Variants in GRID2 observed in about 807,000 individuals in gnomAD.
GRID2 encodes glutamate receptor ionotropic, delta-2.
Under a neutral mutation model 114.8 loss-of-function variants are expected in GRID2, and 33 were observed. That is an observed-to-expected ratio of 0.29 (90% CI 0.22 to 0.38). The LOEUF (loss-of-function observed/expected upper bound fraction) is 0.38, where lower values mean the gene tolerates loss of function less well. Among genes scored for constraint, GRID2 ranks in the 10% least tolerant of loss-of-function variants. The pLI is 1.00. For synonymous variants in GRID2, 505 were observed against 449.9 expected (o/e 1.12, Z -1.55); for missense variants, 1,184 against 1,257.7 (o/e 0.94, Z 0.89).
At chr4:93,528,414 A>G (rs1156772644) in intron 13 of GRID2, among the ~76,000 whole-genome samples, 1 of 133,620 alleles carries the variant, frequency 7.5e-6, no homozygotes, top group South Asian at 2.4e-4. Flanking sequence ...CAAGAGTTCC[A>G]TTTTTTTTTT....
intron 2 of GRID2, among the ~76,000 whole-genome samples, chr4:92,699,248 G>A (rs534224977): frequency 4.1e-4 from 63 of 152,260 alleles, no homozygotes; most frequent in Non-Finnish European, 7.5e-4. Flanking sequence ...AGACTGGCCA[G>A]TTGGATTCAT....
chr4:93,012,135 G>A (rs1391741602), intron 2 of GRID2, among the ~76,000 whole-genome samples: 1 of 146,972 alleles, frequency 6.8e-6, no homozygotes, highest in Admixed American at 6.9e-5. Context: ...CTTCAGATAA[G>A]AAGAGATTAA....
intron 1 of GRID2, among the ~76,000 whole-genome samples, chr4:92,503,985 A>T (rs145432581): frequency 6.6e-6 from 1 of 152,216 alleles, no homozygotes; most frequent in Non-Finnish European, 1.5e-5. Flanking sequence ...AAAAGTATGA[A>T]AATAGCAATA....
intron 2 of GRID2, among the ~76,000 whole-genome samples, chr4:92,697,558 C>T (rs190373319): frequency 3.3e-5 from 5 of 152,238 alleles, no homozygotes; most frequent in African/African-American, 1.2e-4. Context: ...GGTCCAAATA[C>T]TAACTGGGAG....
chr4:93,460,160 C>T (rs1296147961), intron 11 of GRID2, among the ~76,000 whole-genome samples: 1 of 152,130 alleles, frequency 6.6e-6, no homozygotes, highest in African/African-American at 2.4e-5. Context: ...ACACATAATT[C>T]CCATTCTTCA....
At chr4:93,208,944 T>C (rs1024252339) in intron 5 of GRID2, among the ~76,000 whole-genome samples, 2 of 151,998 alleles carry the variant, frequency 1.3e-5, no homozygotes, top group African/African-American at 4.8e-5. Flanking sequence ...AACCTTCAAA[T>C]TAAATATTTT....
At chr4:92,898,707 A>C (rs917930188) in intron 2 of GRID2, among the ~76,000 whole-genome samples, 9 of 152,130 alleles carry the variant, frequency 5.9e-5, no homozygotes, top group African/African-American at 2.2e-4. Flanking sequence ...TTTGATTATT[A>C]TTACTAATGT....
chr4:93,384,207 C>T (rs1162406369), intron 8 of GRID2, among the ~76,000 whole-genome samples: 3 of 152,098 alleles, frequency 2.0e-5, no homozygotes, highest in Admixed American at 6.6e-5. Context: ...GAAGAACCCT[C>T]GTGAATTAAT....
chr4:92,375,793 G>A (rs1729328536), intron 1 of GRID2, among the ~76,000 whole-genome samples: 1 of 152,096 alleles, frequency 6.6e-6, no homozygotes, highest in Admixed American at 6.6e-5. Context: ...ATGAGGAAAT[G>A]TGCTCAAAGT....
intron 1 of GRID2, among the ~76,000 whole-genome samples, chr4:92,377,747 G>A (rs1729423680): frequency 6.6e-6 from 1 of 152,112 alleles, no homozygotes; most frequent in Admixed American, 6.6e-5. Context: ...ATGGTGGCAG[G>A]CACAGAGAGA....
intron 2 of GRID2, among the ~76,000 whole-genome samples, chr4:92,852,137 A>G (rs1743856250): frequency 6.6e-6 from 1 of 151,928 alleles, no homozygotes; most frequent in Non-Finnish European, 1.5e-5. Flanking sequence ...TAAGAGATGA[A>G]CACTTGTGTT....
intron 13 of GRID2, among the ~76,000 whole-genome samples, chr4:93,591,703 G>A (rs1233229357): frequency 6.6e-6 from 1 of 152,014 alleles, no homozygotes. Context: ...TTTTTGGTTG[G>A]TAAGGTATTG....
chr4:92,424,731 GA>G (rs1269600751), intron 1 of GRID2, among the ~76,000 whole-genome samples: 129 of 138,604 alleles, frequency 9.3e-4, no homozygotes, highest in Middle Eastern at 3.9e-3. Flanking sequence ...CTTTTGAACT[GA>G]AAAAAAAAAA....
intron 11 of GRID2, among the ~76,000 whole-genome samples, chr4:93,484,621 A>G (rs186809921): frequency 1.3e-4 from 20 of 152,032 alleles, no homozygotes; most frequent in Non-Finnish European, 2.1e-4. Context: ...CATACAGAAA[A>G]TGGAAGTGAA....
rs774292683 is a variant in GRID2, at chr4:93,532,734, A to G, written c.2193+17323A>G. ...ATTTGGCACTTTGGATATAATAATT[A>G]TATGCAAATTTGGACAAATTTCCTT... On this transcript the variant is annotated intron_variant, in intron 13 of 15. Transcript: ENST00000282020. 5.9e-5 allele frequency among the ~76,000 whole-genome samples: 9 copies of G among 152,296 alleles called. No homozygotes were observed. The East Asian group carries it at 1.7e-3, about 29-fold the overall frequency.
At chr4:93,619,118 A>C (rs1741979739) in intron 13 of GRID2, among the ~76,000 whole-genome samples, 2 of 152,190 alleles carry the variant, frequency 1.3e-5, no homozygotes, top group South Asian at 4.1e-4. Flanking sequence ...TATGATAACT[A>C]TGTCAGAGCA....
chr4:93,367,556 A>G (rs973269195), intron 8 of GRID2, among the ~76,000 whole-genome samples: 1 of 152,222 alleles, frequency 6.6e-6, no homozygotes, highest in Non-Finnish European at 1.5e-5. Context: ...AGAAATAAAT[A>G]TACGAATAGG....
At chr4:92,586,395 T>G (rs990670858) in intron 1 of GRID2, among the ~76,000 whole-genome samples, 8 of 114,180 alleles carry the variant, frequency 7.0e-5, no homozygotes, top group Non-Finnish European at 1.1e-4. Flanking sequence ...CACACACACA[T>G]ACACACACAC....
At chr4:93,731,017 G>C (rs1386197544) in intron 14 of GRID2, among the ~76,000 whole-genome samples, 1 of 152,204 alleles carries the variant, frequency 6.6e-6, no homozygotes, top group Non-Finnish European at 1.5e-5. Context: ...CAAAGCTTTC[G>C]TCACTGACTA....
Sources: allele counts gnomAD v4.1 joint callset (sites outside exome capture counted in the v4.1 genomes callset), GRCh38; gene constraint gnomAD v4.1.1; transcripts MANE v1.5; gene names NCBI Gene and HGNC (gene_info 2026-07-23, HGNC 2026-07-21).